Variants in AREL1 observed in about 807,000 individuals in gnomAD.
AREL1 encodes apoptosis resistant E3 ubiquitin protein ligase 1, also known as apoptosis-resistant E3 ubiquitin protein ligase 1.
A neutral mutation model predicts 99.0 loss-of-function variants in AREL1; 62 were observed. That is an observed-to-expected ratio of 0.63 (90% CI 0.51 to 0.77). The LOEUF is 0.77. AREL1 is among the 30% of genes least tolerant of loss of function. The pLI is 0.00. For missense variants in AREL1, 879 were observed against 1,027.6 expected (o/e 0.86, Z 1.98); for synonymous variants, 380 against 376.5 (o/e 1.01, Z -0.11).
chr14:74,673,369 C>T, intron 9 of AREL1, 151 bp from the exon 10 acceptor site: 1 of 802,314 alleles, frequency 1.2e-6, no homozygotes, highest in Non-Finnish European at 1.9e-6. Flanking sequence ...CATTATTTTT[C>T]CCTTCAGTGA....
intron 5 of AREL1, among the ~76,000 whole-genome samples, chr14:74,680,163 G>A: frequency 6.7e-6 from 1 of 148,708 alleles, no homozygotes. Context: ...CTGGGCAAGA[G>A]CAAGGATGTC....
At chr14:74,704,095 T>G (rs979086465) in intron 1 of AREL1, among the ~76,000 whole-genome samples, 1 of 152,218 alleles carries the variant, frequency 6.6e-6, no homozygotes, top group African/African-American at 2.4e-5. Flanking sequence ...TGAGTATTTT[T>G]TTCATGTGTT....
In AREL1 at chr14:74,661,613, A is replaced by C. The variant is rs16661; in HGVS notation, c.*2107T>G. The C allele has an allele frequency of 0.41, 75,746 of 183,264 alleles. 18,147 individuals carry two copies. The highest frequency in any genetic ancestry group is 0.51 in the Non-Finnish European group (43,406 of 85,798). The allele number at this position is 183,264 out of a possible 1,614,324, so 11.4% of individuals were successfully genotyped here. On this transcript the variant is annotated 3_prime_UTR_variant, in exon 20 of 20. Transcript: ENST00000356357. ...GTATGAAAGCAGGATTAGAAAAAAA[A>C]AAAACAAAACAGTAAAAGAAAAGGC...
Position 74,662,301 on chromosome 14 carries a change from T to G in AREL1, c.*1419A>C. On this transcript the variant is annotated 3_prime_UTR_variant, in exon 20 of 20. Coordinates refer to ENST00000356357, the MANE Select transcript of AREL1 (RefSeq NM_001039479.2). ...GGAGGCCAAGGCATTGCCAAAGTCC[T>G]GCCTTGTTTCAGGACTCTGTGTACT... The G allele has an allele frequency of 3.1e-6, 1 of 326,574 alleles. No individual in the cohort carries two copies. The highest frequency in any genetic ancestry group is 5.5e-6 in the Non-Finnish European group (1 of 180,592). The allele number at this position is 326,574 out of a possible 1,614,324, so 20.2% of individuals were successfully genotyped here.
chr14:74,680,649 T>C (rs1489786511), intron 5 of AREL1, among the ~76,000 whole-genome samples: 1 of 152,332 alleles, frequency 6.6e-6, no homozygotes, highest in East Asian at 1.9e-4. Flanking sequence ...CCAGATGACC[T>C]TTAACAGATG....
At chr14:74,711,231 G>A (rs7157439) in intron 1 of AREL1, among the ~76,000 whole-genome samples, 2,714 of 97,516 alleles carry the variant, frequency 0.028, 44 homozygotes, top group African/African-American at 0.071. Flanking sequence ...AACTAACTCC[G>A]TCTCAAAAAA....
intron 3 of AREL1, among the ~76,000 whole-genome samples, chr14:74,684,997 T>C (rs1182906646): frequency 6.6e-6 from 1 of 152,242 alleles, no homozygotes; most frequent in Admixed American, 6.5e-5. Flanking sequence ...AGTTGAGTCA[T>C]TGAAATGAGC....
intron 2 of AREL1, among the ~76,000 whole-genome samples, chr14:74,688,153 G>A (rs2089790503): frequency 6.6e-6 from 1 of 150,810 alleles, no homozygotes. Context: ...AGCCTCCCGA[G>A]TAGCTGGCAT....
Position 74,667,312 on chromosome 14 carries a change from C to T in AREL1, c.2103+7G>A. On this transcript the variant is annotated splice_region_variant and intron_variant, in intron 17 of 19. Transcript: ENST00000356357. The stretch of plus-strand genomic sequence containing the variant: ...TAAGAATGGGAGTCTGAATTGCAAT[C>T]ACTTACCTCAAGCTCATTCTCATCA... The T allele has an allele frequency of 6.2e-7, 1 of 1,614,082 alleles. No individual in the cohort carries two copies.
chr14:74,677,262 A>G (rs1321187174), intron 5 of AREL1, among the ~76,000 whole-genome samples: 2 of 151,792 alleles, frequency 1.3e-5, no homozygotes, highest in Non-Finnish European at 1.5e-5. Context: ...TGGGAGGCCA[A>G]GGCCAGAGAA....
chr14:74,670,592 A>G (rs2089312774), intron 13 of AREL1, 170 bp downstream of exon 13: 3 of 583,454 alleles, frequency 5.1e-6, no homozygotes, highest in Non-Finnish European at 8.9e-6. Context: ...AGATGAAATA[A>G]TAAAGGCAAA....
At chr14:74,673,023 C>G in intron 10 of AREL1, 54 bp downstream of exon 10, 2 of 1,613,972 alleles carry the variant, frequency 1.2e-6, no homozygotes, top group Middle Eastern at 1.7e-4. Flanking sequence ...TCTCCACCCT[C>G]ATGGATGTGG....
chr14:74,706,862 G>C (rs2090188009), intron 1 of AREL1, among the ~76,000 whole-genome samples: 1 of 152,158 alleles, frequency 6.6e-6, no homozygotes, highest in African/African-American at 2.4e-5. Context: ...TAGCTTCTCA[G>C]GAAAGTTCAC....
intron 4 of AREL1, among the ~76,000 whole-genome samples, chr14:74,684,021 A>T (rs536320454): frequency 9.2e-5 from 14 of 152,298 alleles, no homozygotes; most frequent in African/African-American, 3.1e-4. Flanking sequence ...TTTTTTCTGT[A>T]AAGTGCCAGA....
intron 4 of AREL1, among the ~76,000 whole-genome samples, chr14:74,684,160 G>C (rs555088640): frequency 5.3e-5 from 8 of 152,186 alleles, no homozygotes; most frequent in Non-Finnish European, 1.0e-4. Context: ...TGTATTTAAA[G>C]AAACAGAAGG....
At chr14:74,677,685 T>C (rs2089523592) in intron 5 of AREL1, among the ~76,000 whole-genome samples, 1 of 151,792 alleles carries the variant, frequency 6.6e-6, no homozygotes, top group Non-Finnish European at 1.5e-5. Context: ...GTATTTTTAG[T>C]AGAGACAGCG....
At chr14:74,699,376 T>TGA (rs57373009) in intron 1 of AREL1, among the ~76,000 whole-genome samples, 1 of 135,524 alleles carries the variant, frequency 7.4e-6, no homozygotes. Context: ...TGTGTGTGTG[T>TGA]GAGAGAGAGA....
intron 1 of AREL1, among the ~76,000 whole-genome samples, chr14:74,705,128 C>T (rs1255694591): frequency 6.6e-6 from 1 of 152,110 alleles, no homozygotes; most frequent in African/African-American, 2.4e-5. Flanking sequence ...CAACCTCCAC[C>T]TTCCAGGTTC....
chr14:74,663,787 T>C lies in AREL1; in HGVS notation c.2405A>G (p.Tyr802Cys), dbSNP rs769566511. ...NQLCLPTYDS[Y>C]EEVHRMLQLA... is the part of the protein sequence containing the mutation. ...CTGCAGCATCCTGTGCACCTCTTCA[T>C]AGGAGTCATATGTAGGGAGGCACAG... Residue 802 changes from tyrosine to cysteine, a missense_variant, in exon 20 of 20, where the codon TAT (tyrosine) becomes TGT (cysteine). Tyr to Cys is a radical substitution (Grantham distance 194). Transcript: ENST00000356357. The C allele has an allele frequency of 6.8e-6, 11 of 1,614,060 alleles. No individual in the cohort carries two copies. Among genetic ancestry groups the C allele is most frequent in the East Asian group, 2.2e-5 (1 of 44,872 alleles).
Sources: allele counts gnomAD v4.1 joint callset (sites outside exome capture counted in the v4.1 genomes callset), GRCh38; gene constraint gnomAD v4.1.1; transcripts MANE v1.5; gene names NCBI Gene and HGNC (gene_info 2026-07-23, HGNC 2026-07-21).